JAKMIP1: variants seen among roughly 807,000 people sequenced by gnomAD.
JAKMIP1 encodes the protein janus kinase and microtubule interacting protein 1.
A neutral mutation model predicts 113.0 loss-of-function variants in JAKMIP1; 33 were observed. That is an observed-to-expected ratio of 0.29 (90% CI 0.22 to 0.39). The LOEUF (loss-of-function observed/expected upper bound fraction) is 0.39, where lower values mean the gene tolerates loss of function less well. JAKMIP1 is among the 10% of genes least tolerant of loss of function. The pLI is 1.00. For missense variants in JAKMIP1, 813 were observed against 1,080.5 expected (o/e 0.75, Z 3.47); for synonymous variants, 480 against 459.9 (o/e 1.04, Z -0.56).
chr4:6,113,892 G>A (rs886851110), intron 1 of JAKMIP1, among the ~76,000 whole-genome samples: 1 of 152,224 alleles, frequency 6.6e-6, no homozygotes, highest in Non-Finnish European at 1.5e-5. Flanking sequence ...AGGGCAGCAC[G>A]TAAGGATGCA....
In JAKMIP1 at chr4:6,061,474, G is replaced by A. The variant is rs555120129; in HGVS notation, c.1560+838C>T. Among the ~76,000 whole-genome samples the A allele has an allele frequency of 1.2e-3, 181 of 152,236 alleles. No individual in the cohort carries two copies. Among genetic ancestry groups the A allele is most frequent in the Non-Finnish European group, 2.3e-3 (157 of 68,026 alleles). ...AGGCAATGCCCCATTCTGGCCCATC[G>A]CCTTTAAGACTACCAAAATCCATCC... On this transcript the variant is annotated intron_variant, in intron 10 of 20. Coordinates refer to ENST00000409021, the MANE Select transcript of JAKMIP1 (RefSeq NM_001099433.2). The surrounding 1 kb of genome is among the most constrained non-coding windows in gnomAD (Gnocchi z 5.3).
rs6832491 is a variant in JAKMIP1 at position 6,162,001 on chromosome 4, C to T, written c.-148+38252G>A. ...AAAGTTCCCCACGGTGTCTGCCTCA[C>T]ACCACGGGTACATGGTGCCTCCTTG... On this transcript the variant is annotated intron_variant, in intron 1 of 20. Coordinates refer to ENST00000409021, the MANE Select transcript of JAKMIP1 (RefSeq NM_001099433.2). This position sits in a 1 kb window ranked among gnomAD's most constrained non-coding sequence, Gnocchi z 5.6. Among the ~76,000 whole-genome samples, 8,612 of 152,214 alleles carry T rather than the reference C, an allele frequency of 0.057. 562 individuals are homozygous for T. The highest frequency in any genetic ancestry group is 0.16 in the African/African-American group (6,450 of 41,494).
At chr4:6,195,770 C>T (rs549450455) in intron 1 of JAKMIP1, among the ~76,000 whole-genome samples, 2 of 152,288 alleles carry the variant, frequency 1.3e-5, no homozygotes, top group African/African-American at 4.8e-5. Context: ...CACAGACCAG[C>T]GGGAGGCAAA....
chr4:6,117,211 G>T (rs969546052), intron 1 of JAKMIP1, among the ~76,000 whole-genome samples: 2 of 152,170 alleles, frequency 1.3e-5, no homozygotes, highest in Admixed American at 6.5e-5. Flanking sequence ...GTAATTATCG[G>T]GGGACCTGCC....
chr4:6,126,436 AACAC>A (rs1378145599), intron 1 of JAKMIP1, among the ~76,000 whole-genome samples: 3 of 96,656 alleles, frequency 3.1e-5, no homozygotes, highest in Non-Finnish European at 4.4e-5. Flanking sequence ...CACACACACA[AACAC>A]ACACCATGCA....
chr4:6,066,656 C>T (rs1209176009), intron 8 of JAKMIP1, among the ~76,000 whole-genome samples: 1 of 150,830 alleles, frequency 6.6e-6, no homozygotes, highest in East Asian at 1.9e-4. Context: ...CTGTCTTCTC[C>T]ACCTCTCATG....
intron 16 of JAKMIP1, among the ~76,000 whole-genome samples, chr4:6,045,381 G>A (rs1421684092): frequency 2.0e-5 from 3 of 152,220 alleles, no homozygotes; most frequent in Non-Finnish European, 4.4e-5. Flanking sequence ...GTGAGACCTT[G>A]CCTGATCCTA....
chr4:6,174,885 T>G (rs1458352706), intron 1 of JAKMIP1, among the ~76,000 whole-genome samples: 1 of 152,180 alleles, frequency 6.6e-6, no homozygotes, highest in Non-Finnish European at 1.5e-5. Context: ...CCCACCCATG[T>G]GGCCCCATCT....
chr4:6,081,731 C>T lies in JAKMIP1; in HGVS notation c.979G>A (p.Val327Ile), dbSNP rs775962295. The change falls in exon 6 of 21, where the codon GTT becomes ATT. Residue 327 changes from valine (V) to isoleucine (I), a missense_variant. Coordinates refer to ENST00000409021, the MANE Select transcript of JAKMIP1 (RefSeq NM_001099433.2). The surrounding 1 kb of genome is among the most constrained non-coding windows in gnomAD (Gnocchi z 4.6). ...ELLKRSRETEVQLKPLVEKNK... is the reference protein window; with the variant it reads ...ELLKRSRETEIQLKPLVEKNK... ...TTCTCCACCAGGGGCTTCAGCTGAA[C>T]CTCGGTCTCTCGTGAGCGTTTCAGC... 4 of 1,614,216 alleles carry T rather than the reference C, an allele frequency of 2.5e-6. No individual in the cohort carries two copies. The highest frequency in any genetic ancestry group is 2.2e-5 in the East Asian group (1 of 44,880).
intron 3 of JAKMIP1, among the ~76,000 whole-genome samples, chr4:6,090,326 C>G (rs953515861): frequency 6.6e-6 from 1 of 152,100 alleles, no homozygotes; most frequent in Non-Finnish European, 1.5e-5. Context: ...CAAGAAATGC[C>G]GAGGACTGCC....
At position 6,192,675 on chromosome 4, in the gene JAKMIP1, T is replaced by C. The variant is rs1338490329; in HGVS notation, c.-148+7578A>G. Among the ~76,000 whole-genome samples the C allele has an allele frequency of 6.6e-6, 1 of 152,228 alleles. No individual in the cohort carries two copies. The highest frequency in any genetic ancestry group is 1.5e-5 in the Non-Finnish European group (1 of 68,036). On this transcript the variant is annotated intron_variant, in intron 1 of 20. Transcript: ENST00000409021. This position sits in a 1 kb window ranked among gnomAD's most constrained non-coding sequence, Gnocchi z 5.0. ...TTATTGCACACCTGCTCTGTGCCAATGCCCAAGGCTGACAGAGGAGGAGAA... is the reference window on the plus strand; with the variant it reads ...TTATTGCACACCTGCTCTGTGCCAACGCCCAAGGCTGACAGAGGAGGAGAA...
At position 6,136,311 on chromosome 4, in the gene JAKMIP1, C is replaced by T. The variant is rs888930393; in HGVS notation, c.-147-23314G>A. Among the ~76,000 whole-genome samples, 11 of 152,178 alleles carry T rather than the reference C, an allele frequency of 7.2e-5. No homozygotes were observed. Among genetic ancestry groups the T allele is most frequent in the South Asian group, 4.2e-4 (2 of 4,812 alleles). ...CGTCTAAATGCAGGCATCTGTGAAT[C>T]CATATTTCAGTCTGCTTGAACCCAA... On this transcript the variant is annotated intron_variant, in intron 1 of 20. Transcript: ENST00000409021. The surrounding 1 kb of genome is among the most constrained non-coding windows in gnomAD (Gnocchi z 5.9).
rs778411595 is a variant in JAKMIP1, at chr4:6,116,881, C to T, written c.-147-3884G>A. 1.6e-4 allele frequency among the ~76,000 whole-genome samples: 24 copies of T among 152,194 alleles called. No individual in the cohort carries two copies. The highest frequency in any genetic ancestry group is 2.8e-4 in the Non-Finnish European group (19 of 68,048). On this transcript the variant is annotated intron_variant, in intron 1 of 20. Transcript: ENST00000409021. The surrounding 1 kb of genome is among the most constrained non-coding windows in gnomAD (Gnocchi z 5.1). The stretch of plus-strand genomic sequence containing the variant: ...CACAGCTATCAAATATCACCTGTCA[C>T]GGGCAGGCGGTGGGGAGGGCAAACT...
intron 1 of JAKMIP1, among the ~76,000 whole-genome samples, chr4:6,190,602 C>T (rs182551079): frequency 2.2e-4 from 33 of 152,316 alleles, no homozygotes; most frequent in African/African-American, 5.5e-4. Context: ...GAGCACACCC[C>T]GCCTCCCACC....
At chr4:6,166,424 A>T (rs1723641612) in intron 1 of JAKMIP1, among the ~76,000 whole-genome samples, 1 of 152,172 alleles carries the variant, frequency 6.6e-6, no homozygotes, top group Non-Finnish European at 1.5e-5. Context: ...AAGGTCAATA[A>T]GCTACCTGAA....
At position 6,140,907 on chromosome 4, in the gene JAKMIP1, G is replaced by T. The variant is rs1230458359; in HGVS notation, c.-147-27910C>A. On this transcript the variant is annotated intron_variant, in intron 1 of 20. Transcript: ENST00000409021. This position sits in a 1 kb window ranked among gnomAD's most constrained non-coding sequence, Gnocchi z 9.4. ...GGTGTATGGTAGACACTGGAGAATG[G>T]TGGGATCCCTCTCTTTACAAAATCA... Among the ~76,000 whole-genome samples, 3 of 152,152 alleles carry T rather than the reference G, an allele frequency of 2.0e-5. No homozygotes were observed. The highest frequency in any genetic ancestry group is 6.5e-5 in the Admixed American group (1 of 15,276).
At chr4:6,147,346 G>A (rs1720981777) in intron 1 of JAKMIP1, among the ~76,000 whole-genome samples, 1 of 152,128 alleles carries the variant, frequency 6.6e-6, no homozygotes, top group Non-Finnish European at 1.5e-5. Flanking sequence ...ACATCAGTAA[G>A]TAACAAGGAA....
rs542437593 is a variant in JAKMIP1, at chr4:6,066,985, T to C, written c.1303-1977A>G. Reference sequence around the variant, plus strand: ...AATCCACATGTCTCCTTCCCTAGATTCCCTTAGGTCTCTGCACAAATGCAA... The same window carrying C: ...AATCCACATGTCTCCTTCCCTAGATCCCCTTAGGTCTCTGCACAAATGCAA... On this transcript the variant is annotated intron_variant, in intron 8 of 20. Transcript: ENST00000409021. Among the ~76,000 whole-genome samples, 6 of 152,156 alleles carry C rather than the reference T, an allele frequency of 3.9e-5. No individual in the cohort carries two copies. In the South Asian group the frequency reaches 1.0e-3, roughly 26 times the overall value.
Position 6,080,039 on chromosome 4 carries a change from T to C in JAKMIP1, c.1242+133A>G. ...TGCACACCAGGGTGAGCTTGGTGAGTCCCAAAGTCAGCACTGCCTGACCCT... is the reference window on the plus strand; with the variant it reads ...TGCACACCAGGGTGAGCTTGGTGAGCCCCAAAGTCAGCACTGCCTGACCCT... On this transcript the variant is annotated intron_variant, in intron 7 of 20. Transcript: ENST00000409021. This position sits in a 1 kb window ranked among gnomAD's most constrained non-coding sequence, Gnocchi z 6.0. 9.9e-7 allele frequency: 1 copy of C among 1,013,730 alleles called. No homozygotes were observed. The highest frequency in any genetic ancestry group is 1.4e-6 in the Non-Finnish European group (1 of 713,288). 62.8% of individuals were successfully genotyped at this position (1,013,730 alleles called of 1,614,324 possible).
Sources: allele counts gnomAD v4.1 joint callset (sites outside exome capture counted in the v4.1 genomes callset), GRCh38; gene constraint gnomAD v4.1.1; non-coding constraint Gnocchi (gnomAD v3.1); transcripts MANE v1.5; gene names NCBI Gene and HGNC (gene_info 2026-07-23, HGNC 2026-07-21).